The following HACE1 variants were observed in gnomAD, a reference collection of about 807,000 sequenced individuals.
HACE1 encodes HECT domain and ankyrin repeat containing E3 ubiquitin protein ligase 1.
In HACE1, 73 loss-of-function variants were observed where a neutral mutation model predicts 118.4. The observed-to-expected ratio is 0.62, with a 90% CI of 0.51 to 0.75. The LOEUF (loss-of-function observed/expected upper bound fraction) is 0.75, where lower values mean the gene tolerates loss of function less well. Ranked by LOEUF, HACE1 falls within the 30% of genes least tolerant of loss-of-function variation. The pLI, the probability that HACE1 is intolerant of heterozygous loss-of-function variation, is 0.00. For synonymous variants in HACE1, 368 were observed against 374.8 expected (o/e 0.98, Z 0.21); for missense variants, 749 against 1,102.2 (o/e 0.68, Z 4.54).
chr6:104,839,178 G>A (rs1327280831), intron 5 of HACE1, among the ~76,000 whole-genome samples: 5 of 152,118 alleles, frequency 3.3e-5, no homozygotes, highest in African/African-American at 9.7e-5. Context: ...TAGCCACTAC[G>A]GAAAACAACT....
At chr6:104,750,258 A>T (rs1054873380) in intron 20 of HACE1, 83 bp downstream of exon 20, 2 of 1,138,634 alleles carry the variant, frequency 1.8e-6, no homozygotes, top group African/African-American at 3.1e-5. Flanking sequence ...ATTCATCATA[A>T]TACTCCACAA....
chr6:104,836,744 G>A (rs374818231), intron 5 of HACE1, among the ~76,000 whole-genome samples: 5 of 152,160 alleles, frequency 3.3e-5, no homozygotes, highest in South Asian at 2.1e-4. Context: ...CTGTCTCTAC[G>A]TGCAGACAAC....
intron 14 of HACE1, among the ~76,000 whole-genome samples, chr6:104,778,451 G>C (rs1197042116): frequency 6.6e-6 from 1 of 151,936 alleles, no homozygotes; most frequent in African/African-American, 2.4e-5. Context: ...TAGCAAAGAG[G>C]AACAATGAAG....
chr6:104,839,380 T>C (rs1287761036), intron 5 of HACE1, among the ~76,000 whole-genome samples: 1 of 152,178 alleles, frequency 6.6e-6, no homozygotes, highest in Non-Finnish European at 1.5e-5. Context: ...ATAACCTAGA[T>C]AAGTCTCCAA....
At chr6:104,782,966 G>T (rs1163074148) in intron 14 of HACE1, among the ~76,000 whole-genome samples, 1 of 152,074 alleles carries the variant, frequency 6.6e-6, no homozygotes, top group Non-Finnish European at 1.5e-5. Flanking sequence ...CTAAAGCAAG[G>T]GTATCAGTGG....
intron 17 of HACE1, among the ~76,000 whole-genome samples, chr6:104,776,296 T>C (rs1781220335): frequency 6.6e-6 from 1 of 152,244 alleles, no homozygotes; most frequent in Non-Finnish European, 1.5e-5. Flanking sequence ...GAAACTCAAA[T>C]AGAGTTAGCA....
intron 1 of HACE1, chr6:104,858,540 AGAAAG>A (rs1329898752): frequency 2.8e-6 from 1 of 362,956 alleles, no homozygotes; most frequent in Non-Finnish European, 5.4e-6. Flanking sequence ...TCTCTATAAA[AGAAAG>A]GAAAGAAAAT....
chr6:104,748,761 T>C (rs572068657), intron 20 of HACE1, among the ~76,000 whole-genome samples: 85 of 152,328 alleles, frequency 5.6e-4, no homozygotes, highest in Non-Finnish European at 9.0e-4. Context: ...TGCAACAATA[T>C]GTATGATTCC....
At chr6:104,818,784 C>G (rs141442427) in intron 6 of HACE1, among the ~76,000 whole-genome samples, 2 of 151,998 alleles carry the variant, frequency 1.3e-5, no homozygotes, top group South Asian at 4.1e-4. Flanking sequence ...ACAAAAACCA[C>G]ATGATTATCT....
Position 104,776,852 on chromosome 6 carries a change from G to C in HACE1, c.1777-24C>G, listed in dbSNP as rs765670890. On this transcript the variant is annotated intron_variant, in intron 16 of 23. Transcript: ENST00000262903. ...CCCTGAATTCAAGAAATAAAATTAA[G>C]CATCAACAGAAATATGTTATATTGG... The C allele has an allele frequency of 3.3e-6, 5 of 1,531,362 alleles. No individual in the cohort carries two copies. The Admixed American group carries it at 6.7e-5, about 20-fold the overall frequency. 94.9% of individuals were successfully genotyped at this position (1,531,362 alleles called of 1,614,324 possible). A position where few individuals can be genotyped will look rare whatever the true frequency, so the allele number is the denominator to read the frequency against.
chr6:104,815,472 A>C (rs1216209058), intron 6 of HACE1, among the ~76,000 whole-genome samples: 1 of 135,448 alleles, frequency 7.4e-6, no homozygotes, highest in African/African-American at 3.0e-5. Flanking sequence ...GGTTCCAGTG[A>C]TTCTCCCGCC....
intron 19 of HACE1, among the ~76,000 whole-genome samples, chr6:104,768,348 A>G (rs1780227964): frequency 6.6e-6 from 1 of 152,118 alleles, no homozygotes; most frequent in Non-Finnish European, 1.5e-5. Context: ...GTAACAGAAA[A>G]GTTCATAACA....
At chr6:104,793,815 C>A (rs1476161216) in intron 10 of HACE1, among the ~76,000 whole-genome samples, 1 of 152,122 alleles carries the variant, frequency 6.6e-6, no homozygotes, top group Non-Finnish European at 1.5e-5. Flanking sequence ...ACAATAAATT[C>A]TAACTAATAA....
At chr6:104,833,325 T>G in intron 5 of HACE1, 152 bp from the exon 6 acceptor site, 2 of 742,316 alleles carry the variant, frequency 2.7e-6, no homozygotes, top group Non-Finnish European at 2.4e-6. Context: ...TAAAGGTATT[T>G]TAAGTCCATG....
chr6:104,850,045 G>A (rs1219782241), intron 3 of HACE1, among the ~76,000 whole-genome samples: 6 of 151,006 alleles, frequency 4.0e-5, no homozygotes, highest in Admixed American at 3.3e-4. Flanking sequence ...AGCCTCCAGG[G>A]TTCAAGCAAT....
intron 7 of HACE1, among the ~76,000 whole-genome samples, chr6:104,802,929 G>A (rs967052418): frequency 1.3e-5 from 2 of 152,128 alleles, no homozygotes; most frequent in South Asian, 2.1e-4. Context: ...CCAGGAGCTG[G>A]TTTTTTGAAC....
At chr6:104,804,724 C>T (rs1432292643) in intron 7 of HACE1, among the ~76,000 whole-genome samples, 1 of 152,162 alleles carries the variant, frequency 6.6e-6, no homozygotes, top group African/African-American at 2.4e-5. Context: ...GGATTAAAAA[C>T]TTAAATGTAA....
At chr6:104,796,233 C>T (rs1769608751) in intron 9 of HACE1, among the ~76,000 whole-genome samples, 1 of 152,086 alleles carries the variant, frequency 6.6e-6, no homozygotes, top group Admixed American at 6.6e-5. Context: ...AGCTCAGCCT[C>T]CCAAGTAGCT....
At chr6:104,746,353 T>G (rs966635809) in intron 20 of HACE1, among the ~76,000 whole-genome samples, 2 of 152,210 alleles carry the variant, frequency 1.3e-5, no homozygotes, top group Non-Finnish European at 2.9e-5. Flanking sequence ...CTAGTCTACA[T>G]TGACCACCCC....
Sources: allele counts gnomAD v4.1 joint callset (sites outside exome capture counted in the v4.1 genomes callset), GRCh38; gene constraint gnomAD v4.1.1; transcripts MANE v1.5; gene names NCBI Gene and HGNC (gene_info 2026-07-23, HGNC 2026-07-21).